NSMCE2: variants seen among roughly 807,000 people sequenced by gnomAD.
NSMCE2 encodes the protein E3 SUMO-protein ligase NSE2.
Under a neutral mutation model 23.8 loss-of-function variants are expected in NSMCE2, and 24 were observed. The ratio of observed to expected loss-of-function variants is 1.01; its 90% CI spans 0.73 to 1.42. The LOEUF is 1.42. Among genes scored for constraint, NSMCE2 ranks in the 40% most tolerant of loss-of-function variants. The pLI is 0.00. For synonymous variants in NSMCE2, 92 were observed against 94.1 expected, an observed-to-expected ratio of 0.98 and a Z score of 0.13; for missense variants, 284 against 296.5, an observed-to-expected ratio of 0.96 and a Z score of 0.31.
At chr8:125,262,302 A>G (rs930763337) in intron 5 of NSMCE2, among the ~76,000 whole-genome samples, 1 of 151,764 alleles carries the variant, frequency 6.6e-6, no homozygotes, top group South Asian at 2.1e-4. Context: ...GCAGGTGCCT[A>G]TAGTCCCAGC....
intron 1 of NSMCE2, among the ~76,000 whole-genome samples, chr8:125,099,331 T>G (rs1818077701): frequency 6.6e-6 from 1 of 152,018 alleles, no homozygotes; most frequent in Non-Finnish European, 1.5e-5. Flanking sequence ...GAGGTGATAC[T>G]CAAAGGGAGA....
intron 7 of NSMCE2, among the ~76,000 whole-genome samples, chr8:125,358,273 C>T (rs1041298341): frequency 1.3e-5 from 2 of 151,058 alleles, no homozygotes; most frequent in Non-Finnish European, 2.9e-5. Flanking sequence ...GCAGAGGTTG[C>T]AGTGAGCCGA....
intron 5 of NSMCE2, among the ~76,000 whole-genome samples, chr8:125,244,492 A>G (rs1825882507): frequency 6.6e-6 from 1 of 152,186 alleles, no homozygotes; most frequent in African/African-American, 2.4e-5. Flanking sequence ...ATTACCATGC[A>G]GTGACTACCC....
chr8:125,226,524 C>T (rs1010467910), intron 5 of NSMCE2, among the ~76,000 whole-genome samples: 5 of 152,088 alleles, frequency 3.3e-5, no homozygotes, highest in Admixed American at 1.3e-4. Context: ...AGATCTCATT[C>T]GTGATGCTTG....
intron 4 of NSMCE2, among the ~76,000 whole-genome samples, chr8:125,167,941 C>G (rs1821980435): frequency 6.6e-6 from 1 of 152,072 alleles, no homozygotes; most frequent in Admixed American, 6.5e-5. Context: ...AAACTTCTCT[C>G]TGACTCATTT....
chr8:125,276,038 C>G (rs1827437357), intron 5 of NSMCE2, among the ~76,000 whole-genome samples: 1 of 152,214 alleles, frequency 6.6e-6, no homozygotes, highest in Non-Finnish European at 1.5e-5. Flanking sequence ...GCCCCCCGCA[C>G]TGGGTCTTCT....
intron 5 of NSMCE2, among the ~76,000 whole-genome samples, chr8:125,223,344 C>G (rs1035796889): frequency 6.6e-6 from 1 of 152,078 alleles, no homozygotes; most frequent in Non-Finnish European, 1.5e-5. Context: ...GGCAACAGAG[C>G]AAGACCCTGT....
At chr8:125,349,223 TCA>T (rs1406438536) in intron 5 of NSMCE2, among the ~76,000 whole-genome samples, 1 of 152,186 alleles carries the variant, frequency 6.6e-6, no homozygotes, top group Admixed American at 6.5e-5. Context: ...AGATACATAC[TCA>T]CATGCTATAA....
chr8:125,134,966 G>A (rs1224478458), intron 3 of NSMCE2, among the ~76,000 whole-genome samples: 1 of 152,054 alleles, frequency 6.6e-6, no homozygotes, highest in Admixed American at 6.5e-5. Flanking sequence ...GGAGTGCAGT[G>A]GCTCAATATT....
chr8:125,130,451 T>C (rs980855396), intron 3 of NSMCE2: 5 of 225,982 alleles, frequency 2.2e-5, no homozygotes, highest in Non-Finnish European at 4.7e-5. Flanking sequence ...CTCTACCTCC[T>C]GGAGGAGTAA....
At chr8:125,195,606 C>A (rs745768361) in intron 5 of NSMCE2, among the ~76,000 whole-genome samples, 4 of 152,152 alleles carry the variant, frequency 2.6e-5, no homozygotes, top group Non-Finnish European at 5.9e-5. Flanking sequence ...TTCATTCATT[C>A]AACAGATGTT....
chr8:125,242,933 T>G (rs1255608910), intron 5 of NSMCE2, among the ~76,000 whole-genome samples: 2 of 152,152 alleles, frequency 1.3e-5, no homozygotes, highest in Non-Finnish European at 2.9e-5. Flanking sequence ...ACTTTTTTTT[T>G]CTTTTGCTGG....
At chr8:125,230,232 TTTTCA>T (rs1282772981) in intron 5 of NSMCE2, among the ~76,000 whole-genome samples, 3 of 152,202 alleles carry the variant, frequency 2.0e-5, no homozygotes, top group Non-Finnish European at 4.4e-5. Flanking sequence ...AGGCTCATGC[TTTTCA>T]GTAACTTTTT....
chr8:125,253,127 A>G (rs1200654183), intron 5 of NSMCE2, among the ~76,000 whole-genome samples: 2 of 152,220 alleles, frequency 1.3e-5, no homozygotes, highest in African/African-American at 2.4e-5. Context: ...ATCCTACCCC[A>G]GGGTACTGCC....
At chr8:125,357,462 C>G in intron 6 of NSMCE2, 143 bp downstream of exon 6, 2 of 680,374 alleles carry the variant, frequency 2.9e-6, no homozygotes, top group South Asian at 1.8e-5. Context: ...AGAGTATCCA[C>G]GGGAGGTTCT....
At chr8:125,171,613 T>C (rs568646311) in intron 4 of NSMCE2, among the ~76,000 whole-genome samples, 1 of 152,364 alleles carries the variant, frequency 6.6e-6, no homozygotes, top group African/African-American at 2.4e-5. Flanking sequence ...CTGCTACTAA[T>C]ACTGCTGCTA....
chr8:125,296,611 G>A (rs1828337313), intron 5 of NSMCE2, among the ~76,000 whole-genome samples: 1 of 152,042 alleles, frequency 6.6e-6, no homozygotes, highest in African/African-American at 2.4e-5. Flanking sequence ...GGCCAGGCTG[G>A]TCTCAAACTC....
intron 5 of NSMCE2, among the ~76,000 whole-genome samples, chr8:125,202,306 TGGGAGCTGCA>T (rs1390971746): frequency 6.6e-6 from 1 of 152,230 alleles, no homozygotes; most frequent in Non-Finnish European, 1.5e-5. Context: ...TCGATCACGC[TGGGAGCTGCA>T]GACCGGAGCT....
chr8:125,364,235 T>C (rs7819612), intron 7 of NSMCE2, among the ~76,000 whole-genome samples: 119,516 of 152,102 alleles, frequency 0.79, 47,081 homozygotes, highest in Admixed American at 0.83. Context: ...TGAGCCACCG[T>C]GCCTGGCCAT....
Sources: gnomAD v4.1 joint callset for allele counts (sites outside exome capture counted in the v4.1 genomes callset) on GRCh38, gnomAD v4.1.1 for gene constraint, MANE v1.5 for transcripts, NCBI Gene and HGNC (gene_info 2026-07-23, HGNC 2026-07-21) for gene names.